The following TAFA2 variants were observed in gnomAD, a reference collection of about 807,000 sequenced individuals.
TAFA2 encodes the protein chemokine-like protein TAFA-2.
In TAFA2, 7 loss-of-function variants were observed where a neutral mutation model predicts 18.8. The observed-to-expected ratio is 0.37, with a 90% CI of 0.21 to 0.70. The LOEUF (loss-of-function observed/expected upper bound fraction) is 0.70. TAFA2 is among the 30% of genes least tolerant of loss of function. The pLI, the probability that TAFA2 is intolerant of heterozygous loss-of-function variation, is 0.53. For missense variants in TAFA2, 122 were observed against 158.1 expected, an observed-to-expected ratio of 0.77 and a Z score of 1.23; for synonymous variants, 60 against 54.2, an observed-to-expected ratio of 1.11 and a Z score of -0.47.
intron 1 of TAFA2, among the ~76,000 whole-genome samples, chr12:61,948,306 A>G (rs539305590): frequency 4.6e-5 from 7 of 152,332 alleles, no homozygotes; most frequent in Admixed American, 4.6e-4. Context: ...GTCAAAGCCA[A>G]GATGAAAATT....
intron 1 of TAFA2, among the ~76,000 whole-genome samples, chr12:61,953,497 A>T (rs1265454420): frequency 6.6e-6 from 1 of 152,158 alleles, no homozygotes; most frequent in East Asian, 1.9e-4. Flanking sequence ...TTTGAGACAT[A>T]ATTACTGTCA....
intron 2 of TAFA2, among the ~76,000 whole-genome samples, chr12:61,847,796 A>T (rs1165697554): frequency 6.6e-6 from 1 of 152,202 alleles, no homozygotes. Context: ...ACCAGCAGTA[A>T]GGGTGCTTTT....
intron 1 of TAFA2, among the ~76,000 whole-genome samples, chr12:62,090,969 TC>T (rs1341674418): frequency 6.6e-6 from 1 of 152,050 alleles, no homozygotes; most frequent in Non-Finnish European, 1.5e-5. Flanking sequence ...ATGCCTATTT[TC>T]CATTGTTTTG....
chr12:61,866,929 G>C (rs1028650626), intron 2 of TAFA2, among the ~76,000 whole-genome samples: 1 of 150,868 alleles, frequency 6.6e-6, no homozygotes, highest in Non-Finnish European at 1.5e-5. Context: ...TTAAAAGCCA[G>C]GGTAAATTTT....
At chr12:61,911,290 T>C (rs1279898861) in intron 1 of TAFA2, among the ~76,000 whole-genome samples, 1 of 152,192 alleles carries the variant, frequency 6.6e-6, no homozygotes, top group Non-Finnish European at 1.5e-5. Context: ...ACCCCTCTAG[T>C]TTCAGAATCT....
intron 1 of TAFA2, among the ~76,000 whole-genome samples, chr12:61,882,846 T>C (rs1875207826): frequency 6.6e-6 from 1 of 152,184 alleles, no homozygotes; most frequent in South Asian, 2.1e-4. Flanking sequence ...TGGAATCCTT[T>C]AATTCCTCTG....
chr12:62,091,108 T>A (rs1190089019), intron 1 of TAFA2, among the ~76,000 whole-genome samples: 1 of 152,024 alleles, frequency 6.6e-6, no homozygotes, highest in Non-Finnish European at 1.5e-5. Flanking sequence ...TACCTCCTTT[T>A]CTTATCTCAG....
intron 2 of TAFA2, among the ~76,000 whole-genome samples, chr12:61,857,005 A>G (rs935051189): frequency 1.4e-4 from 22 of 151,774 alleles, no homozygotes; most frequent in Admixed American, 4.6e-4. Context: ...AGAGTTAATA[A>G]TGGTGTATGT....
At chr12:61,732,544 A>G (rs1281551035) in intron 4 of TAFA2, among the ~76,000 whole-genome samples, 2 of 152,036 alleles carry the variant, frequency 1.3e-5, no homozygotes, top group African/African-American at 4.8e-5. Context: ...TGGAATTGAA[A>G]CTGAATAGAG....
chr12:61,957,668 T>C (rs754811422), intron 1 of TAFA2, among the ~76,000 whole-genome samples: 2 of 152,094 alleles, frequency 1.3e-5, no homozygotes, highest in African/African-American at 2.4e-5. Flanking sequence ...AGGAGCCTGA[T>C]GAAAGTTGGT....
intron 1 of TAFA2, among the ~76,000 whole-genome samples, chr12:62,244,359 C>A (rs952427077): frequency 4.0e-5 from 6 of 149,220 alleles, no homozygotes; most frequent in Non-Finnish European, 7.4e-5. Context: ...TTAATCTTTT[C>A]TATTTTAATA....
chr12:61,941,306 CTTTT>C (rs1295640365), intron 1 of TAFA2, among the ~76,000 whole-genome samples: 1 of 152,192 alleles, frequency 6.6e-6, no homozygotes, highest in South Asian at 2.1e-4. Context: ...AATCTGCACT[CTTTT>C]TAATTTTCTA....
At chr12:62,081,060 T>TG (rs1404266583) in intron 1 of TAFA2, among the ~76,000 whole-genome samples, 2 of 151,866 alleles carry the variant, frequency 1.3e-5, no homozygotes, top group Non-Finnish European at 2.9e-5. Flanking sequence ...CCGGGCGTAG[T>TG]GGGGGGCGCC....
At chr12:62,139,690 T>C (rs2062224827) in intron 1 of TAFA2, among the ~76,000 whole-genome samples, 1 of 152,108 alleles carries the variant, frequency 6.6e-6, no homozygotes, top group East Asian at 1.9e-4. Context: ...CCATAGCATG[T>C]GATAAAAAGA....
rs558237398 is a variant in TAFA2 at position 61,977,824 on chromosome 12, G to T, written c.-1-110398C>A. ...GAACATCAGTCTTTCTTTCAGCCAG[G>T]CTCTCACAATGCAAGCACAGTGGTG... On this transcript the variant is annotated intron_variant, in intron 1 of 4. Transcript: ENST00000416284. 2.6e-5 allele frequency among the ~76,000 whole-genome samples: 4 copies of T among 152,082 alleles called. No individual in the cohort carries two copies. In the East Asian group the frequency reaches 7.8e-4, roughly 29 times the overall value.
chr12:61,839,045 G>A (rs186034041), intron 2 of TAFA2, among the ~76,000 whole-genome samples: 27 of 151,982 alleles, frequency 1.8e-4, no homozygotes, highest in African/African-American at 6.0e-4. Flanking sequence ...GTGCGCAAAC[G>A]GTGGAGTATT....
At chr12:61,863,833 G>A (rs1166285297) in intron 2 of TAFA2, among the ~76,000 whole-genome samples, 2 of 152,090 alleles carry the variant, frequency 1.3e-5, no homozygotes, top group Non-Finnish European at 2.9e-5. Context: ...CCCCAGAGAG[G>A]CCACTCCTTG....
chr12:62,181,364 A>C (rs190291591), intron 1 of TAFA2, among the ~76,000 whole-genome samples: 1 of 152,364 alleles, frequency 6.6e-6, no homozygotes, highest in East Asian at 1.9e-4. Context: ...GAGAATCAAT[A>C]GAAATGAGAT....
At chr12:62,126,709 T>C (rs145280058) in intron 1 of TAFA2, among the ~76,000 whole-genome samples, 1 of 151,840 alleles carries the variant, frequency 6.6e-6, no homozygotes, top group East Asian at 1.9e-4. Context: ...TGCTGACAAA[T>C]TAGAGATGAG....
Sources: gnomAD v4.1 joint callset for allele counts (sites outside exome capture counted in the v4.1 genomes callset) on GRCh38, gnomAD v4.1.1 for gene constraint, MANE v1.5 for transcripts, NCBI Gene and HGNC (gene_info 2026-07-23, HGNC 2026-07-21) for gene names.